The following RASSF3 variants were observed in gnomAD, a reference collection of about 807,000 sequenced individuals.
RASSF3 encodes the protein ras association domain-containing protein 3.
RASSF3 carries 19 observed loss-of-function variants against 19.9 expected under a neutral mutation model. That is an observed-to-expected ratio of 0.96 (90% CI 0.67 to 1.40). RASSF3 has a LOEUF of 1.40. Among genes scored for constraint, RASSF3 ranks in the 40% most tolerant of loss-of-function variants. RASSF3 has a pLI of 0.00. For synonymous variants in RASSF3, 110 were observed against 104.2 expected (o/e 1.06, Z -0.34); for missense variants, 306 against 289.8 (o/e 1.06, Z -0.41).
At chr12:64,622,427 C>T (rs1389743855) in intron 1 of RASSF3, 5 of 516,664 alleles carry the variant, frequency 9.7e-6, no homozygotes, top group Non-Finnish European at 2.0e-5. Flanking sequence ...TGCTGGAAAC[C>T]TTACCCACCA....
intron 2 of RASSF3, among the ~76,000 whole-genome samples, chr12:64,553,368 T>C (rs750488078): frequency 2.0e-5 from 3 of 152,136 alleles, no homozygotes; most frequent in Non-Finnish European, 2.9e-5. Context: ...ATTCCTGACA[T>C]TGGGCCAGGG....
chr12:64,513,638 G>A (rs1868342194), intron 1 of RASSF3, among the ~76,000 whole-genome samples: 1 of 152,038 alleles, frequency 6.6e-6, no homozygotes, highest in African/African-American at 2.4e-5. Context: ...GACATAAGGG[G>A]TCTCAGATAT....
intron 1 of RASSF3, among the ~76,000 whole-genome samples, chr12:64,684,220 C>T (rs748617323): frequency 4.0e-5 from 6 of 149,994 alleles, no homozygotes; most frequent in Non-Finnish European, 7.4e-5. Context: ...TAACTAGCTG[C>T]GACTACAGGT....
At chr12:64,646,725 C>T (rs532987876) in intron 1 of RASSF3, among the ~76,000 whole-genome samples, 1 of 150,188 alleles carries the variant, frequency 6.7e-6, no homozygotes, top group Admixed American at 6.7e-5. Context: ...CAAAAGGGAT[C>T]AGTGTTTGGT....
At position 64,551,361 on chromosome 12, in the gene RASSF3, GC is replaced by G. The variant is rs374369732; in HGVS notation, c.294+9659del. 3.9e-3 allele frequency among the ~76,000 whole-genome samples: 590 copies of G among 152,248 alleles called. 3 individuals are homozygous for G. The highest frequency in any genetic ancestry group is 0.014 in the African/African-American group (568 of 41,542). On this transcript the variant is annotated intron_variant, in intron 2 of 5. Transcript: ENST00000637125. ...AGGCTGAGGCGAGTGGATCACTTGA[GC>G]CCAGGAGTTTGAGACCAGGCTGGGC...
chr12:64,672,895 C>G (rs12814316), intron 1 of RASSF3, among the ~76,000 whole-genome samples: 16,865 of 152,220 alleles, frequency 0.11, 1,113 homozygotes, highest in East Asian at 0.3. Context: ...GTGGCTACTC[C>G]ATTTGTTTGC....
intron 1 of RASSF3, among the ~76,000 whole-genome samples, chr12:64,628,048 T>C (rs889714783): frequency 3.3e-5 from 5 of 152,126 alleles, no homozygotes; most frequent in African/African-American, 9.7e-5. Context: ...CCCAAGTGAG[T>C]TGAGTCATGG....
At chr12:64,619,789 G>A (rs1870682144) in intron 1 of RASSF3, among the ~76,000 whole-genome samples, 1 of 151,986 alleles carries the variant, frequency 6.6e-6, no homozygotes, top group Non-Finnish European at 1.5e-5. Context: ...AGACTAACCT[G>A]GCCAATATAG....
chr12:64,646,688 C>A (rs931522789), intron 1 of RASSF3, among the ~76,000 whole-genome samples: 1 of 152,120 alleles, frequency 6.6e-6, no homozygotes, highest in Admixed American at 6.6e-5. Flanking sequence ...AAAATCACTG[C>A]AAATTCCTAT....
upstream of RASSF3, among the ~76,000 whole-genome samples, chr12:64,606,404 T>A (rs1317500992): frequency 6.6e-6 from 1 of 152,254 alleles, no homozygotes; most frequent in African/African-American, 2.4e-5. Context: ...GAAAGATGAA[T>A]ATTTGCTTGA....
intron 1 of RASSF3, among the ~76,000 whole-genome samples, chr12:64,676,358 AG>A (rs1872901851): frequency 6.6e-6 from 1 of 151,206 alleles, no homozygotes; most frequent in African/African-American, 2.4e-5. Context: ...TAGTAGAAAC[AG>A]GGTTTCTCCA....
intron 1 of RASSF3, among the ~76,000 whole-genome samples, chr12:64,641,735 A>C (rs1231760373): frequency 1.3e-5 from 2 of 149,872 alleles, no homozygotes; most frequent in African/African-American, 2.5e-5. Flanking sequence ...TTGTGACTTT[A>C]AAGTACCTAG....
At chr12:64,691,637 G>T in intron 4 of RASSF3, 58 bp downstream of exon 4, 1 of 1,183,582 alleles carries the variant, frequency 8.4e-7, no homozygotes, top group Non-Finnish European at 1.3e-6. Context: ...CTATTTTATT[G>T]CAGTAGCCTA....
rs1555217641 is a variant in RASSF3, at chr12:64,696,118, C to CCTCACTCCCTCCCTCCCTCA, written c.*1209_*1210insACTCCCTCCCTCCCTCACTC. ...CCCTCCCTCCCTCCCTCCCTCCCTC[C>CCTCACTCCCTCCCTCCCTCA]CTCCTTCCCTCCCTCTCTCTCCCTC... On this transcript the variant is annotated 3_prime_UTR_variant, in exon 5 of 5. Coordinates refer to ENST00000542104, the MANE Select transcript of RASSF3 (RefSeq NM_178169.4). 1.1e-5 allele frequency: 1 copy of CCTCACTCCCTCCCTCCCTCA among 89,830 alleles called. No homozygotes were observed. Among genetic ancestry groups the CCTCACTCCCTCCCTCCCTCA allele is most frequent in the African/African-American group, 4.9e-5 (1 of 20,408 alleles). 5.6% of individuals were successfully genotyped at this position (89,830 alleles called of 1,614,324 possible). A position where few individuals can be genotyped will look rare whatever the true frequency, so the allele number is the denominator to read the frequency against.
At chr12:64,521,538 C>A (rs988931895) in intron 1 of RASSF3, among the ~76,000 whole-genome samples, 8 of 152,202 alleles carry the variant, frequency 5.3e-5, no homozygotes, top group Non-Finnish European at 5.9e-5. Flanking sequence ...AAAGTCCTCA[C>A]TGGATAATCT....
chr12:64,532,437 A>T (rs1271917065), upstream of RASSF3, among the ~76,000 whole-genome samples: 1 of 152,244 alleles, frequency 6.6e-6, no homozygotes, highest in Non-Finnish European at 1.5e-5. Context: ...TTTTCTGAAC[A>T]AGAAACATCG....
intron 2 of RASSF3, among the ~76,000 whole-genome samples, chr12:64,686,572 C>T (rs1296725132): frequency 6.6e-6 from 1 of 152,086 alleles, no homozygotes; most frequent in Non-Finnish European, 1.5e-5. Context: ...GATCGTGCCA[C>T]TGCACTCCAG....
At chr12:64,665,804 A>G (rs1480856392) in intron 1 of RASSF3, among the ~76,000 whole-genome samples, 1 of 152,204 alleles carries the variant, frequency 6.6e-6, no homozygotes, top group Admixed American at 6.5e-5. Flanking sequence ...GTTTCCTTCT[A>G]CCGCAGGGTC....
intron 1 of RASSF3, among the ~76,000 whole-genome samples, chr12:64,669,751 C>T (rs536978635): frequency 6.1e-4 from 93 of 151,752 alleles, no homozygotes; most frequent in African/African-American, 2.2e-3. Flanking sequence ...AAAGGTGGAG[C>T]GGGAGGCCCT....
Sources: gnomAD v4.1 joint callset for allele counts (sites outside exome capture counted in the v4.1 genomes callset) on GRCh38, gnomAD v4.1.1 for gene constraint, MANE v1.5 for transcripts, NCBI Gene and HGNC (gene_info 2026-07-23, HGNC 2026-07-21) for gene names.